Variants in CRYL1 observed in about 807,000 individuals in gnomAD.
The protein encoded by CRYL1 is crystallin lambda 1, also known as lambda-crystallin homolog.
In CRYL1, 29 loss-of-function variants were observed where a neutral mutation model predicts 36.6. The observed-to-expected ratio is 0.79, with a 90% confidence interval of 0.59 to 1.08. The LOEUF is 1.08. Among genes scored for constraint, CRYL1 ranks in the 50% least tolerant of loss-of-function variants. The pLI is 0.00. For missense variants in CRYL1, 411 were observed against 407.9 expected (o/e 1.01, Z -0.06); for synonymous variants, 152 against 151.5 (o/e 1.00, Z -0.02).
intron 3 of CRYL1, among the ~76,000 whole-genome samples, chr13:20,447,414 C>T (rs545244878): frequency 3.9e-5 from 6 of 152,190 alleles, no homozygotes; most frequent in Non-Finnish European, 7.4e-5. Context: ...GATGCTGCTC[C>T]CCCTCGCCCC....
intron 1 of CRYL1, among the ~76,000 whole-genome samples, chr13:20,518,001 A>T (rs915010548): frequency 2.6e-5 from 4 of 151,738 alleles, no homozygotes; most frequent in African/African-American, 9.7e-5. Flanking sequence ...AACAGGGTAA[A>T]CTCTATGCAC....
chr13:20,453,247 T>C (rs2032608613), intron 3 of CRYL1, among the ~76,000 whole-genome samples: 1 of 152,256 alleles, frequency 6.6e-6, no homozygotes, highest in South Asian at 2.1e-4. Flanking sequence ...AAACAAAGTA[T>C]GTTCTCTGGC....
chr13:20,404,102 A>G lies in CRYL1; in HGVS notation c.*27T>C, dbSNP rs778306435. Reference sequence around the variant, plus strand: ...GTTCCCAAATAGGGCCTCCAATGAGAGGAGTGGAAGCTGCATTACAAGAAA... The same window carrying G: ...GTTCCCAAATAGGGCCTCCAATGAGGGGAGTGGAAGCTGCATTACAAGAAA... On this transcript the variant is annotated 3_prime_UTR_variant, in exon 8 of 8. Coordinates refer to ENST00000298248, the MANE Select transcript of CRYL1 (RefSeq NM_015974.3). 3 of 1,488,934 alleles carry G rather than the reference A, an allele frequency of 2.0e-6. No homozygotes were observed. The highest frequency in any genetic ancestry group is 2.3e-5 in the East Asian group (1 of 44,252). The allele number at this position is 1,488,934 out of a possible 1,614,324, so 92.2% of individuals were successfully genotyped here. A position where few individuals can be genotyped will look rare whatever the true frequency, so the allele number is the denominator to read the frequency against.
chr13:20,429,788 C>T (rs1449986847), intron 5 of CRYL1, among the ~76,000 whole-genome samples: 1 of 152,166 alleles, frequency 6.6e-6, no homozygotes, highest in Admixed American at 6.5e-5. Context: ...GCAGGCTCCC[C>T]TAGCGCCCTG....
At position 20,488,404 on chromosome 13, in the gene CRYL1, C is replaced by G. The variant is rs146331436; in HGVS notation, c.276+966G>C. ...ATAAGAAGTTGAAAAACAGTCCTCT[C>G]CTTGTGTTCTGTTGTGACACACATT... is the stretch of plus-strand genomic sequence containing the variant. On this transcript the variant is annotated intron_variant, in intron 3 of 7. Coordinates refer to ENST00000298248, the MANE Select transcript of CRYL1 (RefSeq NM_015974.3). Among the ~76,000 whole-genome samples, 39 of 152,322 alleles carry G rather than the reference C, an allele frequency of 2.6e-4. No homozygotes were observed. The East Asian group carries it at 6.8e-3, about 26-fold the overall frequency.
intron 3 of CRYL1, among the ~76,000 whole-genome samples, chr13:20,442,368 T>C (rs573666168): frequency 1.3e-5 from 2 of 152,326 alleles, no homozygotes; most frequent in East Asian, 3.9e-4. Context: ...TGTGCTGGGC[T>C]GGGGTTATAA....
At chr13:20,496,037 G>A (rs1179323227) in intron 2 of CRYL1, among the ~76,000 whole-genome samples, 1 of 152,168 alleles carries the variant, frequency 6.6e-6, no homozygotes, top group Non-Finnish European at 1.5e-5. Context: ...CTAACCTCAG[G>A]TGATCCACCT....
At chr13:20,445,605 A>T (rs896583960) in intron 3 of CRYL1, among the ~76,000 whole-genome samples, 1 of 152,232 alleles carries the variant, frequency 6.6e-6, no homozygotes, top group African/African-American at 2.4e-5. Flanking sequence ...AAACAAATAG[A>T]CAATATTAGG....
At chr13:20,406,731 G>C (rs537769617) in intron 6 of CRYL1, among the ~76,000 whole-genome samples, 3 of 152,092 alleles carry the variant, frequency 2.0e-5, no homozygotes, top group South Asian at 4.2e-4. Context: ...CTTTTGGGGT[G>C]GGGGAGGGCA....
intron 5 of CRYL1, among the ~76,000 whole-genome samples, chr13:20,429,663 C>T (rs1018059198): frequency 2.6e-5 from 4 of 152,130 alleles, no homozygotes; most frequent in African/African-American, 7.2e-5. Context: ...ACGGTTCTGC[C>T]GCGCAGCCCC....
chr13:20,521,157 G>C lies in CRYL1; in HGVS notation c.41+4597C>G, dbSNP rs867210003. Among the ~76,000 whole-genome samples, 277 of 137,018 alleles carry C rather than the reference G, an allele frequency of 2.0e-3. 1 individual carries two copies. Among genetic ancestry groups the C allele is most frequent in the Middle Eastern group, 3.8e-3 (1 of 262 alleles). 89.9% of individuals were successfully genotyped at this position (137,018 alleles called of 152,430 possible). Reference sequence around the variant, plus strand: ...AAGAAAGAAGGAAGAAAGGAAGGAAGGAACGAACGAACGAAAAAAAGAAAG... The same window carrying C: ...AAGAAAGAAGGAAGAAAGGAAGGAACGAACGAACGAACGAAAAAAAGAAAG... On this transcript the variant is annotated intron_variant, in intron 1 of 7. Coordinates refer to ENST00000298248, the MANE Select transcript of CRYL1 (RefSeq NM_015974.3).
At position 20,521,124 on chromosome 13, in the gene CRYL1, AGGAAAG is replaced by A. The variant is rs1408122667; in HGVS notation, c.41+4624_41+4629del. On this transcript the variant is annotated intron_variant, in intron 1 of 7. Coordinates refer to ENST00000298248, the MANE Select transcript of CRYL1 (RefSeq NM_015974.3). Reference sequence around the variant, plus strand: ...TCTCAAAAAAAAAAAAAAAAAAAAAAGGAAAGAAAGAAAGAAGGAAGAAAGGAAGGA... The same window carrying A: ...TCTCAAAAAAAAAAAAAAAAAAAAAAAAAGAAAGAAGGAAGAAAGGAAGGA... Among the ~76,000 whole-genome samples, 158 of 56,754 alleles carry A rather than the reference AGGAAAG, an allele frequency of 2.8e-3. 9 individuals are homozygous for A. Among genetic ancestry groups the A allele is most frequent in the African/African-American group, 5.2e-3 (149 of 28,436 alleles). 37.2% of individuals were successfully genotyped at this position (56,754 alleles called of 152,430 possible).
chr13:20,426,495 GACC>G (rs1277358511), intron 5 of CRYL1, among the ~76,000 whole-genome samples: 1 of 152,112 alleles, frequency 6.6e-6, no homozygotes. Flanking sequence ...CAGCTATAGT[GACC>G]ACATGAGAAT....
intron 3 of CRYL1, among the ~76,000 whole-genome samples, chr13:20,459,445 A>G (rs901201485): frequency 2.0e-5 from 3 of 152,214 alleles, no homozygotes; most frequent in African/African-American, 7.2e-5. Flanking sequence ...ACATGGAACC[A>G]ACCTAGACGC....
chr13:20,504,986 AAC>A (rs1237053068), intron 2 of CRYL1, among the ~76,000 whole-genome samples: 2 of 152,194 alleles, frequency 1.3e-5, no homozygotes, highest in African/African-American at 2.4e-5. Context: ...TAATAGGTCT[AAC>A]ACACACAGAA....
chr13:20,420,705 G>GTTTTTTT (rs1212897541), intron 5 of CRYL1, among the ~76,000 whole-genome samples: 1 of 33,206 alleles, frequency 3.0e-5, no homozygotes, highest in African/African-American at 9.9e-5. Flanking sequence ...TAGAGGTTGT[G>GTTTTTTT]TGTGTGTGTG....
chr13:20,508,875 A>AAACC (rs1491583448), intron 2 of CRYL1, among the ~76,000 whole-genome samples: 1 of 13,800 alleles, frequency 7.2e-5, no homozygotes, highest in African/African-American at 1.4e-4. Context: ...AAAAAAAAAA[A>AAACC]CAAAAAAAAA....
chr13:20,447,576 A>G (rs2032483768), intron 3 of CRYL1, among the ~76,000 whole-genome samples: 1 of 152,060 alleles, frequency 6.6e-6, no homozygotes, highest in African/African-American at 2.4e-5. Flanking sequence ...TACTTCTGGG[A>G]GAGAGACAGA....
chr13:20,506,231 A>G (rs2033793940), intron 2 of CRYL1, among the ~76,000 whole-genome samples: 1 of 152,174 alleles, frequency 6.6e-6, no homozygotes, highest in South Asian at 2.1e-4. Flanking sequence ...TTTCCTGCCA[A>G]AGAAGTACAA....
Sources: allele counts gnomAD v4.1 joint callset (sites outside exome capture counted in the v4.1 genomes callset), GRCh38; gene constraint gnomAD v4.1.1; transcripts MANE v1.5; gene names NCBI Gene and HGNC (gene_info 2026-07-23, HGNC 2026-07-21).